PITPNM2: variants seen among roughly 807,000 people sequenced by gnomAD.
PITPNM2 encodes phosphatidylinositol transfer protein membrane associated 2.
PITPNM2 carries 35 observed loss-of-function variants against 132.2 expected under a neutral mutation model. The ratio of observed to expected loss-of-function variants is 0.26; its 90% CI spans 0.20 to 0.35. The LOEUF is 0.35. Ranked by LOEUF, PITPNM2 falls within the 10% of genes least tolerant of loss-of-function variation. PITPNM2 has a pLI of 1.00. For synonymous variants in PITPNM2, 738 were observed against 799.2 expected (o/e 0.92, Z 1.29); for missense variants, 1,332 against 1,912.0 (o/e 0.70, Z 5.66).
At chr12:123,046,256 C>T in intron 2 of PITPNM2, among the ~76,000 whole-genome samples, 1 of 152,012 alleles carries the variant, frequency 6.6e-6, no homozygotes, top group East Asian at 1.9e-4. Flanking sequence ...TCTCATCAGA[C>T]CCCACATCCC....
chr12:123,063,210 T>C (rs2041307200), intron 2 of PITPNM2, among the ~76,000 whole-genome samples: 1 of 151,980 alleles, frequency 6.6e-6, no homozygotes, highest in African/African-American at 2.4e-5. Flanking sequence ...CAGGGCTTGG[T>C]GGTTGAGAGC....
chr12:123,048,692 G>A (rs71444568), intron 2 of PITPNM2, among the ~76,000 whole-genome samples: 25,631 of 152,174 alleles, frequency 0.17, 2,449 homozygotes, highest in Middle Eastern at 0.28. Flanking sequence ...GATTACAGGC[G>A]TGAGCCACCG....
intron 2 of PITPNM2, among the ~76,000 whole-genome samples, chr12:123,053,002 T>A (rs1213824114): frequency 6.6e-6 from 1 of 152,060 alleles, no homozygotes; most frequent in Non-Finnish European, 1.5e-5. Context: ...CCCTTCAGCC[T>A]CCCAAGTAGC....
intron 2 of PITPNM2, among the ~76,000 whole-genome samples, chr12:123,055,542 C>T (rs1566269877): frequency 6.6e-6 from 1 of 152,244 alleles, no homozygotes; most frequent in Non-Finnish European, 1.5e-5. Flanking sequence ...TAAAACCCAA[C>T]TCAGTGACAT....
At chr12:123,141,935 C>A (rs1423938118) in intron 1 of PITPNM2, among the ~76,000 whole-genome samples, 1 of 152,150 alleles carries the variant, frequency 6.6e-6, no homozygotes, top group Non-Finnish European at 1.5e-5. Context: ...TTGTTTGATT[C>A]TAAATTCCTT....
chr12:123,129,563 G>A (rs1176857411), intron 1 of PITPNM2, among the ~76,000 whole-genome samples: 11 of 151,624 alleles, frequency 7.3e-5, no homozygotes, highest in East Asian at 1.9e-4. Context: ...GAGAGACTCC[G>A]TCTCAAGAAA....
chr12:122,995,777 G>A (rs770136495), intron 13 of PITPNM2, 117 bp from the exon 14 acceptor site: 668 of 1,368,028 alleles, frequency 4.9e-4, no homozygotes, highest in Non-Finnish European at 5.9e-4. Context: ...CTGTCCAGCC[G>A]GCCTCTTGCC....
intron 1 of PITPNM2, among the ~76,000 whole-genome samples, chr12:123,135,601 G>A (rs1566306746): frequency 1.3e-5 from 2 of 152,172 alleles, no homozygotes; most frequent in East Asian, 3.8e-4. Context: ...TTGTATAAGT[G>A]AGATCATGCA....
At chr12:122,989,568 C>A (rs1032669581) in intron 18 of PITPNM2, among the ~76,000 whole-genome samples, 1 of 152,168 alleles carries the variant, frequency 6.6e-6, no homozygotes, top group Admixed American at 6.5e-5. Flanking sequence ...TTCCTTGGTC[C>A]TCATCTGGCC....
Position 123,004,612 on chromosome 12 carries a change from G to T in PITPNM2, c.953-123C>A. 1.1e-6 allele frequency: 1 copy of T among 875,442 alleles called. No homozygotes were observed. The highest frequency in any genetic ancestry group is 1.9e-6 in the Non-Finnish European group (1 of 532,690). The allele number at this position is 875,442 out of a possible 1,614,324, so 54.2% of individuals were successfully genotyped here. On this transcript the variant is annotated intron_variant, in intron 7 of 25. Transcript: ENST00000320201. This position sits in a 1 kb window ranked among gnomAD's most constrained non-coding sequence, Gnocchi z 4.9. ...GACAGGCATCACAGAGGCTGCCACA[G>T]GAGCCAGGAAGGTTCCGAAGAGAAT...
At chr12:123,041,901 C>G (rs1054021669) in intron 2 of PITPNM2, among the ~76,000 whole-genome samples, 1 of 152,066 alleles carries the variant, frequency 6.6e-6, no homozygotes, top group African/African-American at 2.4e-5. Context: ...TTAGAAAAGT[C>G]TTCAGGTTCC....
At chr12:123,015,283 A>G (rs2039374777) in intron 3 of PITPNM2, among the ~76,000 whole-genome samples, 1 of 152,226 alleles carries the variant, frequency 6.6e-6, no homozygotes, top group Non-Finnish European at 1.5e-5. Context: ...TCCCTATATC[A>G]AACCTTACTA....
At position 123,010,035 on chromosome 12, in the gene PITPNM2, T is replaced by C. The variant is rs745382626; in HGVS notation, c.458A>G (p.Tyr153Cys). The change falls in exon 6 of 26, where the codon TAT becomes TGT. Residue 153 changes from tyrosine (Y) to cysteine (C), a missense_variant. Tyr to Cys is a radical substitution (Grantham distance 194). Around this residue, in one of 6 missense-constraint regions of PITPNM2, gnomAD observed 122 missense variants for 209.6 expected, o/e 0.58. Coordinates refer to ENST00000320201, the MANE Select transcript of PITPNM2 (RefSeq NM_020845.3). ...CAGCTTGGGGTCCTCTTCTGTCTTA[T>C]ACTCGTTGTGGGGCACAGGGTCTTT... ...IVKDPVPHNE[Y>C]KTEEDPKLFQ... is the part of the protein sequence containing the mutation. 3 of 1,614,192 alleles carry C rather than the reference T, an allele frequency of 1.9e-6. No individual in the cohort carries two copies. Among genetic ancestry groups the C allele is most frequent in the Non-Finnish European group, 2.5e-6 (3 of 1,180,026 alleles).
intron 3 of PITPNM2, among the ~76,000 whole-genome samples, chr12:123,029,054 G>A (rs2039977174): frequency 6.6e-6 from 1 of 152,184 alleles, no homozygotes; most frequent in South Asian, 2.1e-4. Flanking sequence ...GGGTTGAGAG[G>A]GGAGATCCCT....
chr12:123,051,984 C>T (rs1366630612), intron 2 of PITPNM2, among the ~76,000 whole-genome samples: 1 of 151,252 alleles, frequency 6.6e-6, no homozygotes, highest in East Asian at 1.9e-4. Context: ...CTCATTGCAA[C>T]CTCTGCCTCC....
intron 2 of PITPNM2, among the ~76,000 whole-genome samples, chr12:123,101,904 A>C (rs924229530): frequency 3.3e-5 from 5 of 152,192 alleles, no homozygotes; most frequent in African/African-American, 1.2e-4. Flanking sequence ...CATAAAATTA[A>C]AAAATTAGCT....
rs764135962 is a variant in PITPNM2, at chr12:123,058,822, G to C, written c.-95-24137C>G. Among the ~76,000 whole-genome samples, 8 of 152,014 alleles carry C rather than the reference G, an allele frequency of 5.3e-5. No individual in the cohort carries two copies. Among genetic ancestry groups the C allele is most frequent in the African/African-American group, 1.9e-4 (8 of 41,374 alleles). ...CACGGGGTCCACCTGGAAAATTCTC[G>C]AAGTGTCTATTAAGAATCAGCTTAC... On this transcript the variant is annotated intron_variant, in intron 2 of 25. Coordinates refer to ENST00000320201, the MANE Select transcript of PITPNM2 (RefSeq NM_020845.3). This position sits in a 1 kb window ranked among gnomAD's most constrained non-coding sequence, Gnocchi z 4.0.
chr12:123,065,723 C>A lies in PITPNM2; in HGVS notation c.-95-31038G>T, dbSNP rs573938248. ...TGAGGAGGCAGCTCCCCAACAGGCA[C>A]CCTGGGCTGGCCTGGGAGCCTTAGG... On this transcript the variant is annotated intron_variant, in intron 2 of 25. Coordinates refer to ENST00000320201, the MANE Select transcript of PITPNM2 (RefSeq NM_020845.3). 1.5e-4 allele frequency among the ~76,000 whole-genome samples: 23 copies of A among 152,266 alleles called. 1 individual carries two copies. In the South Asian group the frequency reaches 3.9e-3, roughly 26 times the overall value.
chr12:123,094,094 T>C (rs2042342867), intron 2 of PITPNM2, among the ~76,000 whole-genome samples: 1 of 152,212 alleles, frequency 6.6e-6, no homozygotes, highest in Non-Finnish European at 1.5e-5. Context: ...CAAAGCATCG[T>C]CAAACACTCC....
Sources: allele counts gnomAD v4.1 joint callset (sites outside exome capture counted in the v4.1 genomes callset), GRCh38; gene constraint gnomAD v4.1.1; regional missense constraint gnomAD v4.1.1; non-coding constraint Gnocchi (gnomAD v3.1); transcripts MANE v1.5; gene names NCBI Gene and HGNC (gene_info 2026-07-23, HGNC 2026-07-21).